Variants in BMPR2 observed in about 807,000 individuals in gnomAD.
The protein encoded by BMPR2 is bone morphogenetic protein receptor type-2.
A neutral mutation model predicts 100.8 loss-of-function variants in BMPR2; 29 were observed. The ratio of observed to expected loss-of-function variants is 0.29; its 90% confidence interval spans 0.21 to 0.39. The LOEUF (loss-of-function observed/expected upper bound fraction) is 0.39, where lower values mean the gene tolerates loss of function less well. Ranked by LOEUF, BMPR2 falls within the 10% of genes least tolerant of loss-of-function variation. BMPR2 has a pLI of 1.00. For synonymous variants in BMPR2, 382 were observed against 442.3 expected (o/e 0.86, Z 1.71); for missense variants, 1,011 against 1,274.5 (o/e 0.79, Z 3.15).
chr2:202,490,227 G>A (rs1412262878), intron 3 of BMPR2, among the ~76,000 whole-genome samples: 6 of 152,158 alleles, frequency 3.9e-5, no homozygotes, highest in Non-Finnish European at 8.8e-5. Flanking sequence ...CATCTATCAC[G>A]AGGCCGTGGC....
At chr2:202,527,217 G>A (rs990082248) in intron 7 of BMPR2, among the ~76,000 whole-genome samples, 3 of 152,156 alleles carry the variant, frequency 2.0e-5, no homozygotes, top group Admixed American at 1.3e-4. Context: ...GCCAAATGCA[G>A]TGGCTCAAGG....
At chr2:202,450,502 A>G (rs1044851051) in intron 1 of BMPR2, among the ~76,000 whole-genome samples, 4 of 151,888 alleles carry the variant, frequency 2.6e-5, no homozygotes, top group Non-Finnish European at 5.9e-5. Flanking sequence ...GACCAGCCTG[A>G]CCAACATGGA....
chr2:202,406,352 C>G (rs1199582482), intron 1 of BMPR2, among the ~76,000 whole-genome samples: 1 of 152,216 alleles, frequency 6.6e-6, no homozygotes, highest in Non-Finnish European at 1.5e-5. Flanking sequence ...TACTCTATGG[C>G]AGAGAAGATG....
At chr2:202,525,213 T>C (rs1209599571) in intron 7 of BMPR2, among the ~76,000 whole-genome samples, 1 of 152,072 alleles carries the variant, frequency 6.6e-6, no homozygotes, top group East Asian at 1.9e-4. Context: ...TTTGTTGTTG[T>C]TGTTTTTTGT....
At chr2:202,408,693 A>G (rs1461832857) in intron 1 of BMPR2, among the ~76,000 whole-genome samples, 2 of 152,230 alleles carry the variant, frequency 1.3e-5, no homozygotes, top group Non-Finnish European at 2.9e-5. Flanking sequence ...AGGCACTGTA[A>G]TCAGTCTTCT....
chr2:202,436,242 C>T (rs1217541873), intron 1 of BMPR2, among the ~76,000 whole-genome samples: 1 of 150,420 alleles, frequency 6.6e-6, no homozygotes, highest in Admixed American at 6.6e-5. Flanking sequence ...TCCCTTGAGC[C>T]CAGAGTTAGA....
intron 11 of BMPR2, among the ~76,000 whole-genome samples, chr2:202,553,638 A>G (rs1688517521): frequency 6.6e-6 from 1 of 152,046 alleles, no homozygotes; most frequent in Admixed American, 6.5e-5. Flanking sequence ...TGAAATAAAA[A>G]TAAACTCGAT....
intron 3 of BMPR2, among the ~76,000 whole-genome samples, chr2:202,478,560 C>T (rs185588009): frequency 1.3e-3 from 193 of 152,174 alleles, no homozygotes; most frequent in African/African-American, 4.5e-3. Context: ...GAGTTTAAGG[C>T]TACACTGAGC....
chr2:202,548,761 C>A (rs184790917), intron 10 of BMPR2, among the ~76,000 whole-genome samples: 54 of 152,230 alleles, frequency 3.5e-4, no homozygotes, highest in African/African-American at 1.2e-3. Flanking sequence ...TTTACACAAG[C>A]ATTAAGGTAT....
At chr2:202,419,099 TGAG>T (rs1166163499) in intron 1 of BMPR2, among the ~76,000 whole-genome samples, 2 of 152,142 alleles carry the variant, frequency 1.3e-5, no homozygotes, top group African/African-American at 4.8e-5. Flanking sequence ...GATAGAAATT[TGAG>T]GAGAAGAAAA....
chr2:202,417,082 C>T (rs574078148), intron 1 of BMPR2, among the ~76,000 whole-genome samples: 53 of 152,146 alleles, frequency 3.5e-4, no homozygotes, highest in African/African-American at 1.1e-3. Context: ...ATGATCCACC[C>T]GCCTTGGCCT....
chr2:202,394,442 C>G (rs1235001576), intron 1 of BMPR2, among the ~76,000 whole-genome samples: 1 of 151,910 alleles, frequency 6.6e-6, no homozygotes, highest in Non-Finnish European at 1.5e-5. Context: ...TAGATGCTTA[C>G]TAGAAGTAAC....
chr2:202,563,872 T>C lies in BMPR2; in HGVS notation c.*3926T>C, dbSNP rs760030701. On this transcript the variant is annotated 3_prime_UTR_variant, in exon 13 of 13. Coordinates refer to ENST00000374580, the MANE Select transcript of BMPR2 (RefSeq NM_001204.7). The stretch of plus-strand genomic sequence containing the variant: ...TCTATAGAACTAATTGAGTAGGATA[T>C]AGGAAGGATACAAGGATATAATGTC... The C allele has an allele frequency of 3.9e-5, 6 of 152,182 alleles. No homozygotes were observed. Among genetic ancestry groups the C allele is most frequent in the Non-Finnish European group, 8.8e-5 (6 of 68,026 alleles). 9.4% of individuals were successfully genotyped at this position (152,182 alleles called of 1,614,324 possible). A position where few individuals can be genotyped will look rare whatever the true frequency, so the allele number is the denominator to read the frequency against.
At chr2:202,394,971 C>T (rs549297107) in intron 1 of BMPR2, among the ~76,000 whole-genome samples, 1 of 151,888 alleles carries the variant, frequency 6.6e-6, no homozygotes, top group East Asian at 1.9e-4. Flanking sequence ...CTGCAACCTC[C>T]GCCTCCCGGG....
At chr2:202,454,160 C>T (rs1192925728) in intron 1 of BMPR2, among the ~76,000 whole-genome samples, 3 of 152,242 alleles carry the variant, frequency 2.0e-5, no homozygotes, top group East Asian at 3.9e-4. Context: ...ATCACCACCT[C>T]CCGGGCTCAA....
chr2:202,471,643 C>T (rs762199926), intron 3 of BMPR2, among the ~76,000 whole-genome samples: 5 of 151,766 alleles, frequency 3.3e-5, no homozygotes, highest in Non-Finnish European at 5.9e-5. Flanking sequence ...TTCAAAAATG[C>T]GAATGTCATA....
intron 1 of BMPR2, among the ~76,000 whole-genome samples, chr2:202,399,777 T>C (rs1690729074): frequency 6.6e-6 from 1 of 152,198 alleles, no homozygotes; most frequent in Admixed American, 6.5e-5. Context: ...ACTTCTCTAA[T>C]ATACTGTTTT....
At chr2:202,465,052 G>A in intron 2 of BMPR2, 73 bp downstream of exon 2, 2 of 1,562,428 alleles carry the variant, frequency 1.3e-6, no homozygotes, top group South Asian at 1.1e-5. Flanking sequence ...GGACATGGGA[G>A]TATGTTAAAA....
At chr2:202,461,948 G>A (rs1207614004) in intron 1 of BMPR2, among the ~76,000 whole-genome samples, 1 of 151,104 alleles carries the variant, frequency 6.6e-6, no homozygotes, top group Non-Finnish European at 1.5e-5. Context: ...TAAGTTCTAG[G>A]GTACTGTGCA....
Sources: allele counts gnomAD v4.1 joint callset (sites outside exome capture counted in the v4.1 genomes callset), GRCh38; gene constraint gnomAD v4.1.1; transcripts MANE v1.5; gene names NCBI Gene and HGNC (gene_info 2026-07-23, HGNC 2026-07-21).